Variants in CUEDC1 observed in about 807,000 individuals in gnomAD.
The protein encoded by CUEDC1 is CUE domain-containing protein 1.
Under a neutral mutation model 43.7 loss-of-function variants are expected in CUEDC1, and 30 were observed. That is an observed-to-expected ratio of 0.69 (90% confidence interval 0.51 to 0.93). CUEDC1 has a LOEUF of 0.93. Ranked by LOEUF, CUEDC1 falls within the 40% of genes least tolerant of loss-of-function variation. CUEDC1 has a pLI of 0.00. For synonymous variants in CUEDC1, 223 were observed against 223.6 expected (o/e 1.00, Z 0.02); for missense variants, 486 against 549.0 (o/e 0.89, Z 1.15).
rs191660814 is a variant in CUEDC1 at position 57,881,718 on chromosome 17, C to T, written c.337-1980G>A. 3.8e-3 allele frequency among the ~76,000 whole-genome samples: 578 copies of T among 152,278 alleles called. 3 individuals carry two copies. Among genetic ancestry groups the T allele is most frequent in the African/African-American group, 0.013 (540 of 41,556 alleles). On this transcript the variant is annotated intron_variant, in intron 2 of 10. Transcript: ENST00000577830. Reference sequence around the variant, plus strand: ...GGAAGCTGCTTGGGGTTTCCCCTGACCATGGCTAGTGGCAGTCAGCCCCCC... The same window carrying T: ...GGAAGCTGCTTGGGGTTTCCCCTGATCATGGCTAGTGGCAGTCAGCCCCCC...
rs2075043880 is a variant in CUEDC1 at position 57,955,062 on chromosome 17, G to A, written c.-316+163C>T. Among the ~76,000 whole-genome samples, 1 of 151,050 alleles carries A rather than the reference G, an allele frequency of 6.6e-6. No individual in the cohort carries two copies. The highest frequency in any genetic ancestry group is 1.5e-5 in the Non-Finnish European group (1 of 67,614). ...CCGGGGAGCCGCGCCGACAGCCCCG[G>A]GAATCAAACTCGCGACGGCCCGGCC... On this transcript the variant is annotated intron_variant, in intron 1 of 10. Coordinates refer to ENST00000577830, the MANE Select transcript of CUEDC1 (RefSeq NM_001271875.2). This position sits in a 1 kb window ranked among gnomAD's most constrained non-coding sequence, Gnocchi z 5.3.
intron 2 of CUEDC1, among the ~76,000 whole-genome samples, chr17:57,884,734 C>T (rs1421871282): frequency 6.6e-6 from 1 of 152,246 alleles, no homozygotes; most frequent in African/African-American, 2.4e-5. Flanking sequence ...GAAGTCACTC[C>T]TTTCTGCTGC....
chr17:57,906,190 G>A (rs1244631640), intron 1 of CUEDC1, among the ~76,000 whole-genome samples: 3 of 152,044 alleles, frequency 2.0e-5, no homozygotes, highest in Admixed American at 6.6e-5. Context: ...GTCCACAGCT[G>A]GAAACAATCC....
At chr17:57,888,401 C>A (rs1597986163) in intron 1 of CUEDC1, among the ~76,000 whole-genome samples, 1 of 152,200 alleles carries the variant, frequency 6.6e-6, no homozygotes, top group East Asian at 1.9e-4. Context: ...GATTTATAAT[C>A]CAACTCCCTC....
At chr17:57,936,110 G>A (rs1369645088) in intron 1 of CUEDC1, among the ~76,000 whole-genome samples, 3 of 152,212 alleles carry the variant, frequency 2.0e-5, no homozygotes, top group Non-Finnish European at 4.4e-5. Flanking sequence ...AGAGGAAAGG[G>A]AGGGTCTCTC....
intron 3 of CUEDC1, among the ~76,000 whole-genome samples, chr17:57,877,815 G>A (rs2074147417): frequency 1.3e-5 from 2 of 150,864 alleles, no homozygotes; most frequent in African/African-American, 4.9e-5. Flanking sequence ...AACCTGGGAG[G>A]CGGAGGTTGC....
At chr17:57,941,479 G>T (rs1242068996) in intron 1 of CUEDC1, among the ~76,000 whole-genome samples, 1 of 152,240 alleles carries the variant, frequency 6.6e-6, no homozygotes, top group East Asian at 1.9e-4. Context: ...TGCCTACCAA[G>T]CTGTGTGACC....
At chr17:57,886,718 T>A (rs2074294318) in intron 1 of CUEDC1, among the ~76,000 whole-genome samples, 1 of 152,228 alleles carries the variant, frequency 6.6e-6, no homozygotes, top group Non-Finnish European at 1.5e-5. Flanking sequence ...GACACGTTTG[T>A]TCTTATGGAA....
At chr17:57,874,693 G>C (rs1427667446) in intron 3 of CUEDC1, among the ~76,000 whole-genome samples, 1 of 152,238 alleles carries the variant, frequency 6.6e-6, no homozygotes, top group Non-Finnish European at 1.5e-5. Context: ...TGAGAAGGCA[G>C]CCGAGGGCCG....
At chr17:57,935,743 G>A (rs1180555833) in intron 1 of CUEDC1, among the ~76,000 whole-genome samples, 5 of 152,184 alleles carry the variant, frequency 3.3e-5, no homozygotes, top group Admixed American at 2.6e-4. Flanking sequence ...GGCCAGGCCC[G>A]CCTGGAGCAG....
chr17:57,879,657 C>G lies in CUEDC1; in HGVS notation c.418G>C (p.Val140Leu), dbSNP rs552129246. 1 of 1,604,174 alleles carries G rather than the reference C, an allele frequency of 6.2e-7. No individual in the cohort carries two copies. The highest frequency in any genetic ancestry group is 8.5e-7 in the Non-Finnish European group (1 of 1,176,774). The change falls in exon 3 of 11, where the codon GTG (valine) becomes CTG (leucine). Residue 140 changes from valine to leucine, a missense_variant. Transcript: ENST00000577830. ...GCCAGAGGGTAGGGCCGGTCGAACA[C>G]GTGCATGTGGTAGGCTGGCGGGGAG... ...VYSPPAYHMH[V>L]FDRPYPLAPP...
At chr17:57,870,191 CAGGGGGCACTGACTGATG>C (rs2074014817) in intron 6 of CUEDC1, among the ~76,000 whole-genome samples, 1 of 152,242 alleles carries the variant, frequency 6.6e-6, no homozygotes, top group African/African-American at 2.4e-5. Context: ...ACATGTGGGG[CAGGGGGCACTGACTGATG>C]AGGGGCCACT....
intron 1 of CUEDC1, among the ~76,000 whole-genome samples, chr17:57,932,099 C>T (rs2074809469): frequency 7.0e-6 from 1 of 143,378 alleles, no homozygotes; most frequent in South Asian, 2.2e-4. Context: ...CGGTGAAATC[C>T]CGTCTCCACT....
chr17:57,890,824 G>A (rs1324216884), intron 1 of CUEDC1, among the ~76,000 whole-genome samples: 2 of 152,228 alleles, frequency 1.3e-5, no homozygotes, highest in Non-Finnish European at 2.9e-5. Flanking sequence ...GGGTCTGCAT[G>A]GGGGCTATGA....
intron 1 of CUEDC1, among the ~76,000 whole-genome samples, chr17:57,896,097 G>T (rs1019755036): frequency 1.3e-5 from 2 of 152,302 alleles, no homozygotes; most frequent in Non-Finnish European, 2.9e-5. Context: ...GAGTGCTCAG[G>T]ATGGGCAGAG....
rs2074282067 is a variant in CUEDC1, at chr17:57,885,736, G to A, written c.-172C>T. The A allele has an allele frequency of 8.9e-7, 1 of 1,127,496 alleles. No individual in the cohort carries two copies. Among genetic ancestry groups the A allele is most frequent in the African/African-American group, 1.6e-5 (1 of 60,818 alleles). The allele number at this position is 1,127,496 out of a possible 1,614,324, so 69.8% of individuals were successfully genotyped here. On this transcript the variant is annotated 5_prime_UTR_variant, in exon 2 of 11. Coordinates refer to ENST00000577830, the MANE Select transcript of CUEDC1 (RefSeq NM_001271875.2). ...GGCTGCCAAGAGCTCCGGGTTAGGA[G>A]AGTACGGGCGCGGGGCCCCAGGCAG...
At chr17:57,913,509 T>C (rs768351217) in intron 1 of CUEDC1, among the ~76,000 whole-genome samples, 1 of 152,108 alleles carries the variant, frequency 6.6e-6, no homozygotes, top group Non-Finnish European at 1.5e-5. Flanking sequence ...TCAATTCTAC[T>C]GAATCAGAAT....
chr17:57,872,691 G>A lies in CUEDC1; in HGVS notation c.756C>T (p.Asn252=). 1.2e-6 allele frequency: 2 copies of A among 1,614,158 alleles called. No homozygotes were observed. Among genetic ancestry groups the A allele is most frequent in the Non-Finnish European group, 1.7e-6 (2 of 1,180,036 alleles). ...TCTCCAGAGCGAGGAGGAAGTCGCG[G>A]TTCCGTTGCAGCTCCTTCATGAACT... is the stretch of plus-strand genomic sequence containing the variant. The part of the protein sequence containing the change: ...NEEFMKELQR[N]RDFLLALERD... Residue 252 remains asparagine (N), a synonymous_variant, in exon 5 of 11, where the codon AAC becomes AAT. Transcript: ENST00000577830.
rs553742621 is a variant in CUEDC1 at position 57,953,885 on chromosome 17, G to A, written c.-316+1340C>T. On this transcript the variant is annotated intron_variant, in intron 1 of 10. Coordinates refer to ENST00000577830, the MANE Select transcript of CUEDC1 (RefSeq NM_001271875.2). ...AGCGGGTTTCACACCCAGCCCTGCT[G>A]CACACGCTCCAGCTTCCTGGAGACC... Among the ~76,000 whole-genome samples, 341 of 152,292 alleles carry A rather than the reference G, an allele frequency of 2.2e-3. 2 individuals are homozygous for A. The highest frequency in any genetic ancestry group is 3.7e-3 in the Non-Finnish European group (249 of 68,022).
Sources: allele counts gnomAD v4.1 joint callset (sites outside exome capture counted in the v4.1 genomes callset), GRCh38; gene constraint gnomAD v4.1.1; non-coding constraint Gnocchi (gnomAD v3.1); transcripts MANE v1.5; gene names NCBI Gene and HGNC (gene_info 2026-07-23, HGNC 2026-07-21).